MYO9A: variants seen among roughly 807,000 people sequenced by gnomAD.
The protein encoded by MYO9A is unconventional myosin-IXa.
Under a neutral mutation model 293.3 loss-of-function variants are expected in MYO9A, and 103 were observed. The ratio of observed to expected loss-of-function variants is 0.35; its 90% CI spans 0.30 to 0.41. The LOEUF (loss-of-function observed/expected upper bound fraction) is 0.41, where lower values mean the gene tolerates loss of function less well. Ranked by LOEUF, MYO9A falls within the 10% of genes least tolerant of loss-of-function variation. The pLI, the probability that MYO9A is intolerant of heterozygous loss-of-function variation, is 1.00. For synonymous variants in MYO9A, 1,001 were observed against 1,035.7 expected, an observed-to-expected ratio of 0.97 and a Z score of 0.64; for missense variants, 2,685 against 3,033.0, an observed-to-expected ratio of 0.89 and a Z score of 2.69.
At chr15:72,117,577 TCCGCTGGGACGGGGCGGGGCGG>T (rs1238804630) in intron 1 of MYO9A, 81 bp downstream of exon 1, 1 of 381,652 alleles carries the variant, frequency 2.6e-6, no homozygotes, top group African/African-American at 2.1e-5. Context: ...GCGGGGCGTC[TCCGCTGGGACGGGGCGGGGCGG>T]CCCGACCGGA....
At chr15:71,944,784 T>C (rs1284287102) in intron 15 of MYO9A, among the ~76,000 whole-genome samples, 2 of 152,212 alleles carry the variant, frequency 1.3e-5, no homozygotes, top group Admixed American at 6.5e-5. Context: ...TCCAGCTTTG[T>C]TCTGTTTAAA....
chr15:72,050,624 A>G (rs2078530130), intron 1 of MYO9A, among the ~76,000 whole-genome samples: 1 of 151,778 alleles, frequency 6.6e-6, no homozygotes, highest in South Asian at 2.1e-4. Context: ...ATAAATAAAT[A>G]AATAAACAAA....
Position 71,923,008 on chromosome 15 carries a change from C to T in MYO9A, c.2563-6516G>A, listed in dbSNP as rs149297109. On this transcript the variant is annotated intron_variant, in intron 18 of 41. Transcript: ENST00000356056. ...TTTCCATTTTTCCTTGTTTAGTATGCTGTCTGTGAGTCTGTCATGTGGTCT... is the reference window on the plus strand; with the variant it reads ...TTTCCATTTTTCCTTGTTTAGTATGTTGTCTGTGAGTCTGTCATGTGGTCT... 4.9e-3 allele frequency among the ~76,000 whole-genome samples: 749 copies of T among 152,166 alleles called. 8 individuals carry two copies. The highest frequency in any genetic ancestry group is 9.1e-3 in the Non-Finnish European group (621 of 67,988).
intron 13 of MYO9A, among the ~76,000 whole-genome samples, chr15:71,967,015 A>G (rs2075895381): frequency 1.3e-5 from 2 of 152,028 alleles, no homozygotes; most frequent in African/African-American, 4.8e-5. Flanking sequence ...TCAAACTCCT[A>G]TCTCCTGGCC....
chr15:71,862,485 A>G lies in MYO9A; in HGVS notation c.6091+15T>C, dbSNP rs1337156051. The G allele has an allele frequency of 6.5e-7, 1 of 1,531,016 alleles. No homozygotes were observed. The highest frequency in any genetic ancestry group is 9.0e-7 in the Non-Finnish European group (1 of 1,105,082). 94.8% of individuals were successfully genotyped at this position (1,531,016 alleles called of 1,614,324 possible). A position where few individuals can be genotyped will look rare whatever the true frequency, so the allele number is the denominator to read the frequency against. On this transcript the variant is annotated intron_variant, in intron 33 of 41. Transcript: ENST00000356056. Reference sequence around the variant, plus strand: ...CAGTGGTTAAAAATATTCCTCAAAGATCTCTCATACTTACATTTGCAAACA... The same window carrying G: ...CAGTGGTTAAAAATATTCCTCAAAGGTCTCTCATACTTACATTTGCAAACA...
chr15:72,114,951 T>C (rs935287055), intron 1 of MYO9A, among the ~76,000 whole-genome samples: 11 of 152,202 alleles, frequency 7.2e-5, no homozygotes, highest in African/African-American at 2.4e-4. Context: ...AACTTCCACA[T>C]AGTATAATCC....
rs934722562 is a variant in MYO9A at position 71,920,512 on chromosome 15, T to C, written c.2563-4020A>G. 1.8e-4 allele frequency among the ~76,000 whole-genome samples: 27 copies of C among 152,336 alleles called. 1 individual carries two copies. The highest frequency in any genetic ancestry group is 6.8e-3 in the Middle Eastern group (2 of 294). ...ATCACTAGACATCAACTCTGAAAAC[T>C]TGATTTTGAAATTCCCTGCCTCTTA... On this transcript the variant is annotated intron_variant, in intron 18 of 41. Coordinates refer to ENST00000356056, the MANE Select transcript of MYO9A (RefSeq NM_006901.4).
At chr15:71,859,455 T>G (rs1283825311) in intron 34 of MYO9A, among the ~76,000 whole-genome samples, 2 of 152,224 alleles carry the variant, frequency 1.3e-5, no homozygotes, top group Admixed American at 6.5e-5. Context: ...GTATGAAACC[T>G]CAATGCAGTG....
intron 28 of MYO9A, among the ~76,000 whole-genome samples, chr15:71,883,094 G>A (rs937033142): frequency 2.0e-5 from 3 of 152,024 alleles, no homozygotes; most frequent in East Asian, 1.9e-4. Flanking sequence ...GTGAACCATC[G>A]TGCCTGGCCT....
intron 17 of MYO9A, 156 bp downstream of exon 17, chr15:71,935,185 C>A (rs543462580): frequency 1.0e-5 from 8 of 765,014 alleles, no homozygotes; most frequent in Middle Eastern, 3.8e-4. Context: ...TGGCTGTAAA[C>A]GCTACCTAAA....
At chr15:72,041,368 G>T in intron 2 of MYO9A, 1 of 517,756 alleles carries the variant, frequency 1.9e-6, no homozygotes, top group South Asian at 1.5e-5. Flanking sequence ...CAACTATCTT[G>T]AATGCATATC....
intron 6 of MYO9A, 104 bp downstream of exon 6, chr15:72,018,931 ATTCT>A: frequency 4.9e-6 from 4 of 822,466 alleles, no homozygotes; most frequent in Non-Finnish European, 8.3e-6. Context: ...CCTTCCTAGG[ATTCT>A]TTGTATTTCA....
intron 1 of MYO9A, among the ~76,000 whole-genome samples, chr15:72,086,335 T>C (rs1310324332): frequency 6.6e-6 from 1 of 151,344 alleles, no homozygotes; most frequent in Non-Finnish European, 1.5e-5. Context: ...TGTGCACATT[T>C]ACACAGGTGG....
chr15:71,929,759 T>C (rs2058425162), intron 18 of MYO9A, among the ~76,000 whole-genome samples: 1 of 152,230 alleles, frequency 6.6e-6, no homozygotes, highest in Non-Finnish European at 1.5e-5. Context: ...GCAATGAATG[T>C]ACAGGTGCAT....
chr15:71,956,329 A>ATT (rs1273937101), intron 14 of MYO9A, among the ~76,000 whole-genome samples: 63,356 of 96,534 alleles, frequency 0.66, 21,845 homozygotes, highest in Middle Eastern at 0.76. Flanking sequence ...AAAAAAAAAA[A>ATT]AATATATATA....
chr15:71,927,509 A>G (rs912063321), intron 18 of MYO9A, among the ~76,000 whole-genome samples: 3 of 152,090 alleles, frequency 2.0e-5, no homozygotes, highest in African/African-American at 7.2e-5. Flanking sequence ...TGGTTCCAGA[A>G]CCACGCTGAG....
intron 18 of MYO9A, among the ~76,000 whole-genome samples, chr15:71,922,065 C>T (rs768710768): frequency 1.3e-5 from 2 of 152,170 alleles, no homozygotes; most frequent in African/African-American, 2.4e-5. Flanking sequence ...GCAACCTCCG[C>T]CTCCCAGGTT....
rs114587748 is a variant in MYO9A at position 72,034,521 on chromosome 15, G to A, written c.841-1933C>T. 9.8e-3 allele frequency among the ~76,000 whole-genome samples: 1,484 copies of A among 152,170 alleles called. 24 individuals carry two copies. The highest frequency in any genetic ancestry group is 0.034 in the African/African-American group (1,392 of 41,504). ...AGAGCCCAGGCTCTCAACCATCACC[G>A]AACCATCTGCAAACTATATACACAA... is the stretch of plus-strand genomic sequence containing the variant. On this transcript the variant is annotated intron_variant, in intron 2 of 41. Coordinates refer to ENST00000356056, the MANE Select transcript of MYO9A (RefSeq NM_006901.4).
intron 27 of MYO9A, 80 bp downstream of exon 27, chr15:71,887,924 T>A (rs888587937): frequency 1.8e-5 from 14 of 785,078 alleles, no homozygotes; most frequent in Admixed American, 3.0e-5. Flanking sequence ...ATGGTTTTTT[T>A]AAAAAAGCTC....
Sources: allele counts gnomAD v4.1 joint callset (sites outside exome capture counted in the v4.1 genomes callset), GRCh38; gene constraint gnomAD v4.1.1; transcripts MANE v1.5; gene names NCBI Gene and HGNC (gene_info 2026-07-23, HGNC 2026-07-21).